Variants in VAC14 observed in about 807,000 individuals in gnomAD.
VAC14 encodes the protein protein VAC14 homolog.
In VAC14, 47 loss-of-function variants were observed where a neutral mutation model predicts 85.3. The ratio of observed to expected loss-of-function variants is 0.55; its 90% CI spans 0.44 to 0.70. The LOEUF is 0.70. Among genes scored for constraint, VAC14 ranks in the 30% least tolerant of loss-of-function variants. VAC14 has a pLI of 0.00. For synonymous variants in VAC14, 447 were observed against 430.5 expected (o/e 1.04, Z -0.47); for missense variants, 861 against 1,004.3 (o/e 0.86, Z 1.93).
At chr16:70,741,154 C>T (rs972701410) in intron 13 of VAC14, among the ~76,000 whole-genome samples, 9 of 152,276 alleles carry the variant, frequency 5.9e-5, no homozygotes, top group Admixed American at 2.0e-4. Context: ...AGGGCTGCGC[C>T]CTGGAGAGCC....
At chr16:70,778,861 C>CA (rs1030904723) in intron 9 of VAC14, 2 of 152,114 alleles carry the variant, frequency 1.3e-5, no homozygotes, top group Admixed American at 6.5e-5. Context: ...AATTAGAAAA[C>CA]AAAAATCAAA....
At chr16:70,742,444 T>G (rs2030423631) in intron 13 of VAC14, among the ~76,000 whole-genome samples, 2 of 152,300 alleles carry the variant, frequency 1.3e-5, no homozygotes, top group Middle Eastern at 6.8e-3. Flanking sequence ...TCCCAAGGAC[T>G]TAAGGTTGGC....
At chr16:70,695,764 A>G in intron 16 of VAC14, 141 bp from the exon 17 acceptor site, 1 of 715,418 alleles carries the variant, frequency 1.4e-6, no homozygotes, top group Non-Finnish European at 2.4e-6. Context: ...CACAAAGGAC[A>G]CCAGGCTCTT....
chr16:70,731,735 G>C (rs574085425), intron 13 of VAC14, 108 bp from the exon 14 acceptor site: 1 of 1,236,018 alleles, frequency 8.1e-7, no homozygotes, highest in East Asian at 2.4e-5. Flanking sequence ...ATGTGTGTGG[G>C]GGGTGTTATA....
At chr16:70,725,324 G>A (rs1362263491) in intron 14 of VAC14, among the ~76,000 whole-genome samples, 1 of 152,226 alleles carries the variant, frequency 6.6e-6, no homozygotes, top group Non-Finnish European at 1.5e-5. Flanking sequence ...GACGGCCGGT[G>A]GCCTTGGACA....
chr16:70,778,247 G>A (rs933826095), intron 9 of VAC14, among the ~76,000 whole-genome samples: 4 of 152,174 alleles, frequency 2.6e-5, no homozygotes, highest in South Asian at 2.1e-4. Context: ...CCTCCCGCGT[G>A]GCAGGCGAGA....
intron 12 of VAC14, among the ~76,000 whole-genome samples, chr16:70,756,889 T>C (rs1439051931): frequency 1.3e-5 from 2 of 152,208 alleles, no homozygotes; most frequent in Non-Finnish European, 2.9e-5. Flanking sequence ...GGGTGGCCCA[T>C]GTTCTTCATG....
At chr16:70,766,819 C>G (rs1430077380) in intron 10 of VAC14, among the ~76,000 whole-genome samples, 1 of 152,144 alleles carries the variant, frequency 6.6e-6, no homozygotes, top group African/African-American at 2.4e-5. Flanking sequence ...CTCTGCTGGG[C>G]AGGGTTGGCT....
intron 14 of VAC14, among the ~76,000 whole-genome samples, chr16:70,724,383 G>C (rs1431816934): frequency 6.6e-6 from 1 of 152,184 alleles, no homozygotes; most frequent in Non-Finnish European, 1.5e-5. Flanking sequence ...GGTTCTGTGA[G>C]GTGCAAGGAC....
intron 12 of VAC14, among the ~76,000 whole-genome samples, chr16:70,748,609 C>T (rs1453163900): frequency 6.6e-6 from 1 of 152,152 alleles, no homozygotes; most frequent in Non-Finnish European, 1.5e-5. Flanking sequence ...AGGGTATGGC[C>T]AGAAATCAGG....
chr16:70,704,130 G>A (rs1197169809), intron 14 of VAC14, among the ~76,000 whole-genome samples: 1 of 152,242 alleles, frequency 6.6e-6, no homozygotes, highest in African/African-American at 2.4e-5. Context: ...ACCCCCACCT[G>A]GCATCCACAC....
chr16:70,713,823 G>A (rs775318669), intron 14 of VAC14, among the ~76,000 whole-genome samples: 20 of 151,990 alleles, frequency 1.3e-4, no homozygotes, highest in Non-Finnish European at 1.8e-4. Flanking sequence ...GGATTCTGGC[G>A]TGAGCCACTA....
At chr16:70,770,999 T>C (rs1268105597) in intron 10 of VAC14, 3 of 152,054 alleles carry the variant, frequency 2.0e-5, no homozygotes, top group African/African-American at 7.2e-5. Context: ...GTGCACACTT[T>C]CTCTTCATGA....
chr16:70,784,248 G>A (rs748899511), intron 4 of VAC14, 28 bp from the exon 5 acceptor site: 13 of 1,595,108 alleles, frequency 8.1e-6, no homozygotes, highest in African/African-American at 5.4e-5. Flanking sequence ...GTGAGCTGCC[G>A]AGAGCCCGAG....
At chr16:70,760,962 G>GGGGGGTGT (rs1402592187) in intron 12 of VAC14, among the ~76,000 whole-genome samples, 1 of 47,602 alleles carries the variant, frequency 2.1e-5, no homozygotes. Flanking sequence ...ACGAAGAGAG[G>GGGGGGTGT]GTGTGTGTGT....
chr16:70,749,729 C>T lies in VAC14; in HGVS notation c.1372-5150G>A, dbSNP rs914056904. Among the ~76,000 whole-genome samples the T allele has an allele frequency of 5.3e-5, 8 of 152,150 alleles. No homozygotes were observed. The East Asian group carries it at 5.8e-4, about 11-fold the overall frequency. On this transcript the variant is annotated intron_variant, in intron 12 of 18. Transcript: ENST00000261776. ...AGGTGGGGCCTGGGGTGTGGGGAGC[C>T]GGCTGATACCCGGCTTCTGTGCCCC...
chr16:70,759,948 A>G (rs2143033901), intron 12 of VAC14, among the ~76,000 whole-genome samples: 1 of 152,260 alleles, frequency 6.6e-6, no homozygotes, highest in South Asian at 2.1e-4. Flanking sequence ...TCCTCAGGCC[A>G]TAGTTTTTAG....
intron 10 of VAC14, among the ~76,000 whole-genome samples, chr16:70,765,429 C>T (rs2032732869): frequency 6.6e-6 from 1 of 152,166 alleles, no homozygotes; most frequent in Non-Finnish European, 1.5e-5. Flanking sequence ...ACAATGGCAG[C>T]CATGATGGCT....
In VAC14 at chr16:70,784,779, T is replaced by C. The variant is rs1206255967; in HGVS notation, c.483A>G (p.Leu161=). 2.5e-6 allele frequency: 4 copies of C among 1,613,968 alleles called. No individual in the cohort carries two copies. In the African/African-American group the frequency reaches 5.3e-5, roughly 22 times the overall value. The part of the protein sequence containing the change: ...KSGSELLDRL[L]KDIVTESNKF... ...AGTGGGGACAAAGTACAAATACCTT[T>C]AAAAGGCGGTCTAGGAGCTCAGATC... Residue 161 remains leucine, a synonymous_variant, in exon 4 of 19, where the codon TTA becomes TTG. Coordinates refer to ENST00000261776, the MANE Select transcript of VAC14 (RefSeq NM_018052.5).
Sources: gnomAD v4.1 joint callset for allele counts (sites outside exome capture counted in the v4.1 genomes callset) on GRCh38, gnomAD v4.1.1 for gene constraint, MANE v1.5 for transcripts, NCBI Gene and HGNC (gene_info 2026-07-23, HGNC 2026-07-21) for gene names.